Variants in TBX4 observed in about 807,000 individuals in gnomAD.
TBX4 encodes the protein T-box transcription factor 4.
TBX4 carries 13 observed loss-of-function variants against 54.6 expected under a neutral mutation model. That is an observed-to-expected ratio of 0.24 (90% CI 0.15 to 0.38). TBX4 has a LOEUF of 0.38. TBX4 is among the 10% of genes least tolerant of loss of function. TBX4 has a pLI of 1.00. For missense variants in TBX4, 631 were observed against 728.5 expected (o/e 0.87, Z 1.54); for synonymous variants, 314 against 306.7 (o/e 1.02, Z -0.25).
At position 61,465,447 on chromosome 17, in the gene TBX4, G is replaced by A. The variant is rs1166418498; in HGVS notation, c.282-372G>A. The stretch of plus-strand genomic sequence containing the variant: ...GACAGGAGGGAAATTAAGGCAGCAA[G>A]GTTGGCGTCAGAATCTGCTCCCACA... On this transcript the variant is annotated intron_variant, in intron 3 of 8. Transcript: ENST00000644296. The surrounding 1 kb of genome is among the most constrained non-coding windows in gnomAD (Gnocchi z 4.9). Among the ~76,000 whole-genome samples the A allele has an allele frequency of 6.6e-6, 1 of 152,232 alleles. No homozygotes were observed. The highest frequency in any genetic ancestry group is 2.1e-4 in the South Asian group (1 of 4,832).
rs2060452406 is a variant in TBX4 at position 61,456,618 on chromosome 17, C to G, written c.128C>G (p.Ala43Gly). The G allele has an allele frequency of 7.1e-7, 1 of 1,408,744 alleles. No homozygotes were observed. Among genetic ancestry groups the G allele is most frequent in the Non-Finnish European group, 9.2e-7 (1 of 1,081,840 alleles). The allele number at this position is 1,408,744 out of a possible 1,614,324, so 87.3% of individuals were successfully genotyped here. Residue 43 changes from alanine (A) to glycine (G), a missense_variant, in exon 2 of 9, where the codon GCG (alanine) becomes GGG (glycine). Ala to Gly is a moderately conservative substitution (Grantham distance 60, BLOSUM62 0). Transcript: ENST00000644296. ...ALAAPGLSGA[A>G]LGSPPGPGAD... is the part of the protein sequence containing the mutation. ...GCAGCGCCGGGCCTCAGCGGAGCCGCGCTAGGCAGCCCCCCGGGACCCGGG... is the reference window on the plus strand; with the variant it reads ...GCAGCGCCGGGCCTCAGCGGAGCCGGGCTAGGCAGCCCCCCGGGACCCGGG...
rs1456712092 is a variant in TBX4 at position 61,456,601 on chromosome 17, G to C, written c.111G>C (p.Pro37=). Reference sequence around the variant, plus strand: ...CCCCCGAGCCCGCGCTGGCAGCGCCGGGCCTCAGCGGAGCCGCGCTAGGCA... The same window carrying C: ...CCCCCGAGCCCGCGCTGGCAGCGCCCGGCCTCAGCGGAGCCGCGCTAGGCA... ...ANAPEPALAA[P]GLSGAALGSP... is the part of the protein sequence containing the mutation. The change falls in exon 2 of 9, where the codon CCG becomes CCC. Residue 37 remains proline (P), a synonymous_variant. Coordinates refer to ENST00000644296, the MANE Select transcript of TBX4 (RefSeq NM_001321120.2). 167 of 1,504,296 alleles carry C rather than the reference G, an allele frequency of 1.1e-4. No homozygotes were observed. The highest frequency in any genetic ancestry group is 9.3e-4 in the Middle Eastern group (4 of 4,300). The allele number at this position is 1,504,296 out of a possible 1,614,324, so 93.2% of individuals were successfully genotyped here. A position where few individuals can be genotyped will look rare whatever the true frequency, so the allele number is the denominator to read the frequency against.
intron 5 of TBX4, among the ~76,000 whole-genome samples, chr17:61,471,904 T>TTA (rs1569039977): frequency 2.1e-5 from 3 of 144,218 alleles, no homozygotes; most frequent in African/African-American, 7.8e-5. Context: ...TTTTTTTTTT[T>TTA]TTTTTTTTTT....
rs563050156 is a variant in TBX4, at chr17:61,477,575, G to A, written c.550-1052G>A. Among the ~76,000 whole-genome samples the A allele has an allele frequency of 1.3e-4, 20 of 152,348 alleles. No individual in the cohort carries two copies. The South Asian group carries it at 4.1e-3, about 32-fold the overall frequency. On this transcript the variant is annotated intron_variant, in intron 5 of 8. Transcript: ENST00000644296. Reference sequence around the variant, plus strand: ...TCTCTGAGGGCTGGGAGCGGCCTTAGGCAGGTCTGAAGGCAGGATACATTT... The same window carrying A: ...TCTCTGAGGGCTGGGAGCGGCCTTAAGCAGGTCTGAAGGCAGGATACATTT...
In TBX4 at chr17:61,479,855, T is replaced by G; in HGVS notation, c.703-26T>G. ...GACACATTTGTGTGCCTCACACTGG[T>G]GACCCTATGTGTTTTCTCCCCACAG... is the stretch of plus-strand genomic sequence containing the variant. On this transcript the variant is annotated intron_variant, in intron 6 of 8. Transcript: ENST00000644296. The surrounding 1 kb of genome is among the most constrained non-coding windows in gnomAD (Gnocchi z 6.1). 6.2e-7 allele frequency: 1 copy of G among 1,609,398 alleles called. No individual in the cohort carries two copies. Among genetic ancestry groups the G allele is most frequent in the Non-Finnish European group, 8.5e-7 (1 of 1,175,690 alleles).
chr17:61,455,865 G>T (rs190892240), intron 1 of TBX4, among the ~76,000 whole-genome samples: 1 of 152,230 alleles, frequency 6.6e-6, no homozygotes, highest in Non-Finnish European at 1.5e-5. Context: ...AACGGGAAGA[G>T]GATGTGTGTG....
intron 5 of TBX4, among the ~76,000 whole-genome samples, chr17:61,469,844 G>A (rs1280577257): frequency 6.6e-6 from 1 of 152,186 alleles, no homozygotes; most frequent in Non-Finnish European, 1.5e-5. Context: ...GGATGAAGGA[G>A]TCACCCTTCT....
Position 61,479,847 on chromosome 17 carries a change from C to T in TBX4, c.703-34C>T, listed in dbSNP as rs1451627093. 6.2e-7 allele frequency: 1 copy of T among 1,604,242 alleles called. No homozygotes were observed. The highest frequency in any genetic ancestry group is 1.7e-5 in the Admixed American group (1 of 60,014). On this transcript the variant is annotated intron_variant, in intron 6 of 8. Transcript: ENST00000644296. This position sits in a 1 kb window ranked among gnomAD's most constrained non-coding sequence, Gnocchi z 6.1. ...GAAACTGAGACACATTTGTGTGCCTCACACTGGTGACCCTATGTGTTTTCT... is the reference window on the plus strand; with the variant it reads ...GAAACTGAGACACATTTGTGTGCCTTACACTGGTGACCCTATGTGTTTTCT...
At chr17:61,469,818 G>T (rs1241225325) in intron 5 of TBX4, among the ~76,000 whole-genome samples, 1 of 152,204 alleles carries the variant, frequency 6.6e-6, no homozygotes, top group Non-Finnish European at 1.5e-5. Context: ...CGTGGGAGTG[G>T]TGAGCTCCCA....
At chr17:61,455,521 G>T (rs185890209) in intron 1 of TBX4, among the ~76,000 whole-genome samples, 1 of 152,360 alleles carries the variant, frequency 6.6e-6, no homozygotes, top group East Asian at 1.9e-4. Flanking sequence ...GACCTGCTTC[G>T]GGCAGGGAGC....
chr17:61,476,496 G>A lies in TBX4; in HGVS notation c.550-2131G>A, dbSNP rs931748830. Among the ~76,000 whole-genome samples the A allele has an allele frequency of 3.9e-5, 6 of 152,224 alleles. No individual in the cohort carries two copies. The highest frequency in any genetic ancestry group is 7.3e-5 in the Non-Finnish European group (5 of 68,036). ...GCCTGCAGCTCTGTGAATAGTGCAC[G>A]GTGATGGAGTCACCTAAAGGGGCTG... On this transcript the variant is annotated intron_variant, in intron 5 of 8. Coordinates refer to ENST00000644296, the MANE Select transcript of TBX4 (RefSeq NM_001321120.2). This position sits in a 1 kb window ranked among gnomAD's most constrained non-coding sequence, Gnocchi z 6.5.
Position 61,483,763 on chromosome 17 carries a change from G to C in TBX4, c.*247G>C. 1.9e-6 allele frequency: 1 copy of C among 533,570 alleles called. No individual in the cohort carries two copies. Among genetic ancestry groups the C allele is most frequent in the Non-Finnish European group, 3.4e-6 (1 of 294,088 alleles). 33.1% of individuals were successfully genotyped at this position (533,570 alleles called of 1,614,324 possible). Reference sequence around the variant, plus strand: ...ATCTAAGAAGTGATTTTGGCTGCAGGACCTGGGTCTATTGTTATCTGACAT... The same window carrying C: ...ATCTAAGAAGTGATTTTGGCTGCAGCACCTGGGTCTATTGTTATCTGACAT... On this transcript the variant is annotated 3_prime_UTR_variant, in exon 9 of 9. Coordinates refer to ENST00000644296, the MANE Select transcript of TBX4 (RefSeq NM_001321120.2). The surrounding 1 kb of genome is among the most constrained non-coding windows in gnomAD (Gnocchi z 6.6).
chr17:61,470,359 C>A (rs2060568257), intron 5 of TBX4, among the ~76,000 whole-genome samples: 2 of 152,206 alleles, frequency 1.3e-5, no homozygotes, highest in African/African-American at 4.8e-5. Context: ...TTCAAGATTC[C>A]TTTCTTCCAT....
chr17:61,482,304 G>T (rs7213643), intron 8 of TBX4, among the ~76,000 whole-genome samples: 23,429 of 152,176 alleles, frequency 0.15, 1,970 homozygotes, highest in African/African-American at 0.18. Flanking sequence ...TTCTTAATTT[G>T]GTAGACACTG....
chr17:61,463,880 G>A (rs2060516125), intron 3 of TBX4, among the ~76,000 whole-genome samples: 1 of 152,176 alleles, frequency 6.6e-6, no homozygotes, highest in Admixed American at 6.5e-5. Context: ...GGGGAGGTGA[G>A]GCAGCTGCTG....
intron 5 of TBX4, among the ~76,000 whole-genome samples, chr17:61,477,941 CAAAAA>C (rs10617980): frequency 1.1e-5 from 1 of 88,664 alleles, no homozygotes; most frequent in Non-Finnish European, 2.3e-5. Context: ...GATTCCATCT[CAAAAA>C]AAAAAAAAAA....
chr17:61,456,586 C>A lies in TBX4; in HGVS notation c.96C>A (p.Pro32=). 1 of 1,532,612 alleles carries A rather than the reference C, an allele frequency of 6.5e-7. No homozygotes were observed. The allele number at this position is 1,532,612 out of a possible 1,614,324, so 94.9% of individuals were successfully genotyped here. A position where few individuals can be genotyped will look rare whatever the true frequency, so the allele number is the denominator to read the frequency against. The change falls in exon 2 of 9, where the codon CCC becomes CCA. Residue 32 remains proline (P), a synonymous_variant. Coordinates refer to ENST00000644296, the MANE Select transcript of TBX4 (RefSeq NM_001321120.2). ...GEASAANAPE[P]ALAAPGLSGA... ...CCAGCGCAGCCAACGCCCCCGAGCC[C>A]GCGCTGGCAGCGCCGGGCCTCAGCG...
In TBX4 at chr17:61,478,528, A is replaced by G; in HGVS notation, c.550-99A>G. The G allele has an allele frequency of 6.5e-7, 1 of 1,532,844 alleles. No individual in the cohort carries two copies. The highest frequency in any genetic ancestry group is 2.3e-5 in the East Asian group (1 of 44,400). 95.0% of individuals were successfully genotyped at this position (1,532,844 alleles called of 1,614,324 possible). A position where few individuals can be genotyped will look rare whatever the true frequency, so the allele number is the denominator to read the frequency against. ...AGGCCCCGGATCCTGGGCTTTGAGG[A>G]GAATGAGAAAAACCAGGCCAGGGCC... is the stretch of plus-strand genomic sequence containing the variant. On this transcript the variant is annotated intron_variant, in intron 5 of 8. Coordinates refer to ENST00000644296, the MANE Select transcript of TBX4 (RefSeq NM_001321120.2). This position sits in a 1 kb window ranked among gnomAD's most constrained non-coding sequence, Gnocchi z 7.4.
intron 5 of TBX4, among the ~76,000 whole-genome samples, chr17:61,468,247 A>C (rs536147890): frequency 6.6e-6 from 1 of 152,178 alleles, no homozygotes; most frequent in Non-Finnish European, 1.5e-5. Context: ...TACAGAAGAG[A>C]TTCTGAAGCC....
Sources: allele counts gnomAD v4.1 joint callset (sites outside exome capture counted in the v4.1 genomes callset), GRCh38; gene constraint gnomAD v4.1.1; non-coding constraint Gnocchi (gnomAD v3.1); transcripts MANE v1.5; gene names NCBI Gene and HGNC (gene_info 2026-07-23, HGNC 2026-07-21).